LRP1B: variants seen among roughly 807,000 people sequenced by gnomAD.
LRP1B encodes the protein LDL receptor related protein 1B.
In LRP1B, 217 loss-of-function variants were observed where a neutral mutation model predicts 556.6. The observed-to-expected ratio is 0.39, with a 90% CI of 0.35 to 0.44. The LOEUF (loss-of-function observed/expected upper bound fraction) is 0.44, where lower values mean the gene tolerates loss of function less well. Ranked by LOEUF, LRP1B falls within the 20% of genes least tolerant of loss-of-function variation. The probability of loss-of-function intolerance (pLI) is 1.00; values close to 1 mark genes in which losing one functional copy is unlikely to be tolerated. For missense variants in LRP1B, 5,053 were observed against 5,620.8 expected (o/e 0.90, Z 3.23); for synonymous variants, 2,047 against 1,865.8 (o/e 1.10, Z -2.50).
chr2:141,956,465 C>T (rs529445414), intron 1 of LRP1B, among the ~76,000 whole-genome samples: 65 of 152,070 alleles, frequency 4.3e-4, no homozygotes, highest in African/African-American at 1.5e-3. Flanking sequence ...CAGTTTTTTA[C>T]ATATTCTGGA....
At chr2:141,895,095 T>C (rs563798032) in intron 1 of LRP1B, among the ~76,000 whole-genome samples, 3 of 149,996 alleles carry the variant, frequency 2.0e-5, no homozygotes, top group South Asian at 4.3e-4. Flanking sequence ...GCCTAACTTA[T>C]ATATAATTTT....
At chr2:140,913,776 AAT>A (rs1272870790) in intron 21 of LRP1B, among the ~76,000 whole-genome samples, 1 of 152,042 alleles carries the variant, frequency 6.6e-6, no homozygotes, top group Non-Finnish European at 1.5e-5. Context: ...CCTTGTTTAT[AAT>A]AGAGTTATAG....
intron 24 of LRP1B, among the ~76,000 whole-genome samples, chr2:140,884,326 T>G (rs1480173983): frequency 6.6e-6 from 1 of 152,206 alleles, no homozygotes; most frequent in Non-Finnish European, 1.5e-5. Flanking sequence ...TTCTTGTTCC[T>G]GACTTTTTTA....
At chr2:141,208,682 A>G (rs748697175) in intron 6 of LRP1B, among the ~76,000 whole-genome samples, 1 of 151,940 alleles carries the variant, frequency 6.6e-6, no homozygotes, top group Admixed American at 6.6e-5. Flanking sequence ...CCTGGCTAAC[A>G]CAGTGCAACC....
rs1484807895 is a variant in LRP1B at position 140,335,817 on chromosome 2, T to C, written c.11914A>G (p.Arg3972Gly). Residue 3972 changes from arginine to glycine, a missense_variant, in exon 78 of 91, where the codon AGG becomes GGG. Physicochemically the swap from Arg to Gly is moderately radical, Grantham distance 125. Coordinates refer to ENST00000389484, the MANE Select transcript of LRP1B (RefSeq NM_018557.3). ...GLICPEFKRP[R>G]DIAVDWVAGN... ...GCCACCCAGTCAACTGCAATGTCCCTGGGCCTTTTAAATTCAGGACACTAC... is the reference window on the plus strand; with the variant it reads ...GCCACCCAGTCAACTGCAATGTCCCCGGGCCTTTTAAATTCAGGACACTAC... 1.2e-6 allele frequency: 2 copies of C among 1,611,624 alleles called. No homozygotes were observed. Among genetic ancestry groups the C allele is most frequent in the Non-Finnish European group, 8.5e-7 (1 of 1,178,618 alleles).
intron 9 of LRP1B, 25 bp from the exon 10 acceptor site, chr2:141,055,284 C>T (rs770405091): frequency 1.4e-5 from 23 of 1,592,056 alleles, no homozygotes; most frequent in African/African-American, 6.8e-5. Context: ...AAACAGCATG[C>T]GTGAAATTCA....
intron 7 of LRP1B, among the ~76,000 whole-genome samples, chr2:141,134,724 C>T (rs1286382688): frequency 8.2e-6 from 1 of 121,260 alleles, no homozygotes; most frequent in African/African-American, 3.2e-5. Flanking sequence ...TCAATAACTA[C>T]CAAAAAAAAA....
intron 1 of LRP1B, among the ~76,000 whole-genome samples, chr2:141,996,650 G>A (rs990232879): frequency 6.6e-6 from 1 of 151,888 alleles, no homozygotes; most frequent in African/African-American, 2.4e-5. Context: ...TTCTCAGCTC[G>A]ACCATGTGGA....
At chr2:141,385,608 T>A (rs1689805854) in intron 3 of LRP1B, among the ~76,000 whole-genome samples, 1 of 150,830 alleles carries the variant, frequency 6.6e-6, no homozygotes. Flanking sequence ...ACTTCTAAGA[T>A]AAAAAAAAAA....
At chr2:141,441,169 C>T (rs10192818) in intron 3 of LRP1B, among the ~76,000 whole-genome samples, 42,379 of 151,874 alleles carry the variant, frequency 0.28, 6,069 homozygotes, top group South Asian at 0.37. Flanking sequence ...CTCCACCTCC[C>T]GGGTTCAAGT....
In LRP1B at chr2:140,515,996, C is replaced by T. The variant is rs186956273; in HGVS notation, c.8149+893G>A. On this transcript the variant is annotated intron_variant, in intron 50 of 90. Coordinates refer to ENST00000389484, the MANE Select transcript of LRP1B (RefSeq NM_018557.3). ...GGAAATTTCTTTGATTTGCAAATCACAAAATCCATACATTTTAGAAACAAA... is the reference window on the plus strand; with the variant it reads ...GGAAATTTCTTTGATTTGCAAATCATAAAATCCATACATTTTAGAAACAAA... Among the ~76,000 whole-genome samples the T allele has an allele frequency of 1.9e-4, 29 of 151,980 alleles. 1 individual carries two copies. In the East Asian group the frequency reaches 5.6e-3, roughly 29 times the overall value.
At chr2:141,702,596 T>C (rs1315428087) in intron 2 of LRP1B, among the ~76,000 whole-genome samples, 9 of 151,852 alleles carry the variant, frequency 5.9e-5, no homozygotes, top group Non-Finnish European at 1.2e-4. Flanking sequence ...AGTGGGGACA[T>C]TGATAAAAAA....
chr2:141,879,591 C>T (rs933768579), intron 1 of LRP1B, among the ~76,000 whole-genome samples: 8 of 151,744 alleles, frequency 5.3e-5, no homozygotes, highest in African/African-American at 1.7e-4. Context: ...GATATAATCA[C>T]TAATTGGGAG....
intron 2 of LRP1B, among the ~76,000 whole-genome samples, chr2:141,742,462 C>T (rs1357674180): frequency 2.0e-5 from 3 of 151,918 alleles, no homozygotes; most frequent in Non-Finnish European, 4.4e-5. Flanking sequence ...TCATTTTGGC[C>T]AGGCTGGTCT....
chr2:141,894,017 G>A (rs1699364935), intron 1 of LRP1B, among the ~76,000 whole-genome samples: 1 of 151,020 alleles, frequency 6.6e-6, no homozygotes, highest in Non-Finnish European at 1.5e-5. Flanking sequence ...ATGAATGCTT[G>A]TGTTACCAGT....
chr2:141,757,486 T>C (rs1470167564), intron 2 of LRP1B, among the ~76,000 whole-genome samples: 1 of 152,182 alleles, frequency 6.6e-6, no homozygotes. Context: ...ATAATGATGA[T>C]AATAAATAAA....
intron 18 of LRP1B, among the ~76,000 whole-genome samples, chr2:140,958,584 A>G (rs2105311619): frequency 6.6e-6 from 1 of 151,756 alleles, no homozygotes; most frequent in Non-Finnish European, 1.5e-5. Context: ...TTAAAACAGG[A>G]AGGAGAGAAA....
At chr2:140,646,866 G>T (rs1360085011) in intron 41 of LRP1B, among the ~76,000 whole-genome samples, 5 of 151,692 alleles carry the variant, frequency 3.3e-5, no homozygotes, top group Non-Finnish European at 7.4e-5. Context: ...TACTTTTTCA[G>T]GTATGAAACA....
intron 1 of LRP1B, among the ~76,000 whole-genome samples, chr2:142,121,193 C>T (rs905620144): frequency 3.3e-5 from 5 of 152,164 alleles, no homozygotes; most frequent in Admixed American, 2.0e-4. Context: ...CTCATTCAAG[C>T]CATCAACATC....
Sources: allele counts gnomAD v4.1 joint callset (sites outside exome capture counted in the v4.1 genomes callset), GRCh38; gene constraint gnomAD v4.1.1; transcripts MANE v1.5; gene names NCBI Gene and HGNC (gene_info 2026-07-23, HGNC 2026-07-21).